Variants in TOX2 observed in about 807,000 individuals in gnomAD.
TOX2 encodes the protein TOX high mobility group box family member 2.
Under a neutral mutation model 47.4 loss-of-function variants are expected in TOX2, and 15 were observed. The ratio of observed to expected loss-of-function variants is 0.32; its 90% CI spans 0.21 to 0.49. TOX2 has a LOEUF of 0.49. Ranked by LOEUF, TOX2 falls within the 20% of genes least tolerant of loss-of-function variation. The probability of loss-of-function intolerance (pLI) is 0.99; values close to 1 mark genes in which losing one functional copy is unlikely to be tolerated. For synonymous variants in TOX2, 290 were observed against 296.6 expected, an observed-to-expected ratio of 0.98 and a Z score of 0.23; for missense variants, 622 against 673.1, an observed-to-expected ratio of 0.92 and a Z score of 0.84.
intron 8 of TOX2, 114 bp from the exon 9 acceptor site, chr20:44,068,536 A>C: frequency 8.8e-7 from 1 of 1,131,946 alleles, no homozygotes; most frequent in Non-Finnish European, 1.2e-6. Flanking sequence ...ATTCAGCCAC[A>C]GAGGGGCAGC....
At chr20:43,934,904 T>A (rs1490392187) in intron 1 of TOX2, among the ~76,000 whole-genome samples, 1 of 151,972 alleles carries the variant, frequency 6.6e-6, no homozygotes, top group Non-Finnish European at 1.5e-5. Flanking sequence ...TTTGGGCTAC[T>A]CCAGACAGGG....
At chr20:44,009,353 G>A (rs2145611328) in intron 3 of TOX2, among the ~76,000 whole-genome samples, 1 of 151,902 alleles carries the variant, frequency 6.6e-6, no homozygotes. Context: ...GGGAAGGAGG[G>A]TGGGAGGAAA....
chr20:44,063,210 G>A (rs2071751330), intron 5 of TOX2, among the ~76,000 whole-genome samples: 3 of 152,126 alleles, frequency 2.0e-5, no homozygotes, highest in African/African-American at 7.2e-5. Context: ...CCCACAGAGT[G>A]GGAGAAAATC....
At chr20:43,966,629 C>T (rs933605947) in intron 1 of TOX2, among the ~76,000 whole-genome samples, 1 of 152,012 alleles carries the variant, frequency 6.6e-6, no homozygotes, top group Non-Finnish European at 1.5e-5. Context: ...TGGTGCATGC[C>T]TGTAATCCCA....
At chr20:44,017,000 AATATGTGGTTGTGC>A (rs2070890952) in intron 3 of TOX2, among the ~76,000 whole-genome samples, 1 of 152,254 alleles carries the variant, frequency 6.6e-6, no homozygotes. Context: ...AATTCATGGC[AATATGTGGTTGTGC>A]ATTTACCAGG....
intron 1 of TOX2, among the ~76,000 whole-genome samples, chr20:43,918,462 T>TAGGGG (rs1303028324): frequency 2.0e-5 from 3 of 152,334 alleles, no homozygotes; most frequent in Admixed American, 2.0e-4. Context: ...CACATCCCTT[T>TAGGGG]ATAGACAGCA....
At chr20:43,950,155 C>T (rs1268654173) in intron 1 of TOX2, among the ~76,000 whole-genome samples, 1 of 152,162 alleles carries the variant, frequency 6.6e-6, no homozygotes, top group African/African-American at 2.4e-5. Context: ...CACATCTGCT[C>T]TGAGCAGAGC....
chr20:44,062,404 A>AAATGAATG (rs746277270), intron 5 of TOX2, among the ~76,000 whole-genome samples: 3,812 of 145,090 alleles, frequency 0.026, 185 homozygotes, highest in African/African-American at 0.09. Context: ...ATAAATAAAT[A>AAATGAATG]AATGAATAAA....
chr20:44,026,252 C>CTAT (rs1569109288), intron 3 of TOX2, among the ~76,000 whole-genome samples: 1 of 81,908 alleles, frequency 1.2e-5, no homozygotes, highest in Non-Finnish European at 2.3e-5. Context: ...TATATATAGA[C>CTAT]ACACACACAC....
At chr20:43,952,218 T>C (rs1005883558) in intron 1 of TOX2, among the ~76,000 whole-genome samples, 1 of 152,070 alleles carries the variant, frequency 6.6e-6, no homozygotes, top group Non-Finnish European at 1.5e-5. Flanking sequence ...AATTTTTTTT[T>C]CTAAGAGACG....
chr20:44,007,966 T>C (rs1339528872), intron 3 of TOX2, among the ~76,000 whole-genome samples: 1 of 152,166 alleles, frequency 6.6e-6, no homozygotes, highest in Non-Finnish European at 1.5e-5. Flanking sequence ...AAAAAAATTG[T>C]ATCTTGCTTA....
chr20:44,057,236 G>A (rs1424861127), intron 5 of TOX2, among the ~76,000 whole-genome samples: 1 of 152,076 alleles, frequency 6.6e-6, no homozygotes, highest in African/African-American at 2.4e-5. Context: ...TCCTTATTTT[G>A]TCTCCTCACT....
chr20:43,944,238 G>A (rs1031236678), intron 1 of TOX2, among the ~76,000 whole-genome samples: 2 of 152,162 alleles, frequency 1.3e-5, no homozygotes, highest in Non-Finnish European at 2.9e-5. Context: ...CAAGACAGAC[G>A]ATCCTGACCA....
chr20:44,051,285 C>T (rs1199782520), intron 3 of TOX2, 21 bp from the exon 4 acceptor site: 1 of 1,578,876 alleles, frequency 6.3e-7, no homozygotes, highest in Non-Finnish European at 8.6e-7. Context: ...CTAACTCAAC[C>T]CTCCTGTCCT....
intron 1 of TOX2, among the ~76,000 whole-genome samples, chr20:43,962,821 G>A (rs2069785415): frequency 6.6e-6 from 1 of 152,088 alleles, no homozygotes; most frequent in South Asian, 2.1e-4. Context: ...TACAATGCAG[G>A]CCACATACAT....
intron 4 of TOX2, among the ~76,000 whole-genome samples, chr20:44,053,524 T>TATATACAC (rs2071559479): frequency 2.4e-5 from 1 of 41,004 alleles, no homozygotes; most frequent in African/African-American, 6.5e-5. Flanking sequence ...TATATACACA[T>TATATACAC]ATATATACAT....
rs183064012 is a variant in TOX2, at chr20:43,976,003, G to T, written c.165+2571G>T. On this transcript the variant is annotated intron_variant, in intron 2 of 8. Coordinates refer to ENST00000341197, the MANE Select transcript of TOX2 (RefSeq NM_001098797.2). ...AATCTTTTATGCTGTGACCCAGAGG[G>T]TCTCCCTAACTTAGGACTTTATGAA... 7.3e-3 allele frequency among the ~76,000 whole-genome samples: 1,114 copies of T among 152,332 alleles called. 4 individuals are homozygous for T. The highest frequency in any genetic ancestry group is 0.01 in the Non-Finnish European group (711 of 68,040).
chr20:44,034,916 G>A (rs1441083252), intron 3 of TOX2, among the ~76,000 whole-genome samples: 1 of 152,164 alleles, frequency 6.6e-6, no homozygotes, highest in Non-Finnish European at 1.5e-5. Context: ...CCTTCACTCT[G>A]CTCAATCCTG....
intron 2 of TOX2, among the ~76,000 whole-genome samples, chr20:44,000,972 C>A (rs2070570122): frequency 6.6e-6 from 1 of 151,996 alleles, no homozygotes; most frequent in South Asian, 2.1e-4. Context: ...TCATTGATGA[C>A]CTTCCCAAGC....
Sources: allele counts gnomAD v4.1 joint callset (sites outside exome capture counted in the v4.1 genomes callset), GRCh38; gene constraint gnomAD v4.1.1; transcripts MANE v1.5; gene names NCBI Gene and HGNC (gene_info 2026-07-23, HGNC 2026-07-21).